The following PTPRT variants were observed in gnomAD, a reference collection of about 807,000 sequenced individuals.
PTPRT encodes the protein receptor-type tyrosine-protein phosphatase T.
Under a neutral mutation model 176.8 loss-of-function variants are expected in PTPRT, and 56 were observed. That is an observed-to-expected ratio of 0.32 (90% CI 0.26 to 0.40). PTPRT has a LOEUF of 0.40. Among genes scored for constraint, PTPRT ranks in the 10% least tolerant of loss-of-function variants. PTPRT has a pLI of 1.00. For synonymous variants in PTPRT, 783 were observed against 739.0 expected (o/e 1.06, Z -0.96); for missense variants, 1,540 against 1,908.2 (o/e 0.81, Z 3.60).
chr20:43,054,239 T>C (rs2146238679), intron 1 of PTPRT, among the ~76,000 whole-genome samples: 1 of 149,632 alleles, frequency 6.7e-6, no homozygotes, highest in Non-Finnish European at 1.5e-5. Context: ...ATTACAAAGG[T>C]TTTAGGACCT....
At chr20:42,851,020 T>G (rs73271763) in intron 2 of PTPRT, among the ~76,000 whole-genome samples, 3,303 of 152,252 alleles carry the variant, frequency 0.022, 128 homozygotes, top group African/African-American at 0.074. Context: ...CAAGGCACAG[T>G]TTTTCTGCCA....
At chr20:43,104,380 G>T (rs1428360689) in intron 1 of PTPRT, among the ~76,000 whole-genome samples, 3 of 151,838 alleles carry the variant, frequency 2.0e-5, no homozygotes, top group Non-Finnish European at 4.4e-5. Flanking sequence ...CAACAATCTT[G>T]GGGTATGTGT....
At chr20:42,056,022 CCT>C in the PTPRT span, among the ~76,000 whole-genome samples, 1 of 152,282 alleles carries the variant, frequency 6.6e-6, no homozygotes, top group East Asian at 1.9e-4. Context: ...TCCGCTGTCC[CCT>C]CTTAGTCCTC....
intron 27 of PTPRT, among the ~76,000 whole-genome samples, chr20:42,092,275 C>T (rs1231830247): frequency 6.6e-6 from 1 of 152,202 alleles, no homozygotes; most frequent in African/African-American, 2.4e-5. Context: ...ATCTCTCCGA[C>T]TAAAGCCTCA....
intron 3 of PTPRT, among the ~76,000 whole-genome samples, chr20:42,790,250 A>T (rs2077353544): frequency 6.6e-6 from 1 of 151,946 alleles, no homozygotes; most frequent in Admixed American, 6.6e-5. Flanking sequence ...AAAACTTTCA[A>T]TGGCCCCAGG....
In PTPRT at chr20:42,248,710, G is replaced by A. The variant is rs373446898; in HGVS notation, c.2289C>T (p.Gly763=). ...ACCTCCTTTTGATGGTGAGCATCAC[G>A]CCCAGGAGAATGATGATGAACATGA... The part of the protein sequence containing the change: ...GLLMFIIILL[G]VMLTIKRRRN... The change falls in exon 14 of 31, where the codon GGC becomes GGT. Residue 763 remains glycine, a synonymous_variant. Transcript: ENST00000373187. 20 of 1,613,820 alleles carry A rather than the reference G, an allele frequency of 1.2e-5. No individual in the cohort carries two copies. The highest frequency in any genetic ancestry group is 5.5e-5 in the South Asian group (5 of 91,064).
At chr20:42,749,017 C>T (rs916070749) in intron 6 of PTPRT, among the ~76,000 whole-genome samples, 3 of 152,166 alleles carry the variant, frequency 2.0e-5, no homozygotes, top group Non-Finnish European at 4.4e-5. Flanking sequence ...GTCTCAACGC[C>T]ATGTGCCTTT....
intron 7 of PTPRT, among the ~76,000 whole-genome samples, chr20:42,539,558 T>C (rs1047035547): frequency 1.3e-5 from 2 of 151,180 alleles, no homozygotes; most frequent in African/African-American, 4.9e-5. Flanking sequence ...CACAGATACC[T>C]GGAGAAAGCA....
chr20:42,949,405 T>C (rs766581238), intron 1 of PTPRT, among the ~76,000 whole-genome samples: 1 of 152,204 alleles, frequency 6.6e-6, no homozygotes, highest in Non-Finnish European at 1.5e-5. Flanking sequence ...GAAAAAGCCA[T>C]GTAGAGACAG....
At chr20:42,421,240 TAACA>T (rs558622256) in intron 9 of PTPRT, among the ~76,000 whole-genome samples, 5 of 149,902 alleles carry the variant, frequency 3.3e-5, no homozygotes, top group Admixed American at 6.7e-5. Flanking sequence ...CCTGACCCCC[TAACA>T]TACACACACA....
chr20:42,809,761 C>G (rs141647275), intron 2 of PTPRT, among the ~76,000 whole-genome samples: 79 of 152,308 alleles, frequency 5.2e-4, no homozygotes, highest in African/African-American at 1.8e-3. Context: ...TTTGCTCTCA[C>G]TTTTGCAGCT....
intron 18 of PTPRT, among the ~76,000 whole-genome samples, chr20:42,139,143 A>G (rs1166379607): frequency 6.6e-6 from 1 of 151,092 alleles, no homozygotes; most frequent in Non-Finnish European, 1.5e-5. Context: ...TTTTTTCTTG[A>G]TTCTCCTTTA....
rs746122039 is a variant in PTPRT at position 42,790,339 on chromosome 20, G to A, written c.486+856C>T. On this transcript the variant is annotated intron_variant, in intron 3 of 30. Transcript: ENST00000373187. ...ATCTGTGCGCTGTGTGCATCAGTTC[G>A]CAAGGAGATAAGGAAGGAAAGAGAG... 7.9e-5 allele frequency among the ~76,000 whole-genome samples: 12 copies of A among 151,970 alleles called. No individual in the cohort carries two copies. The East Asian group carries it at 1.2e-3, about 15-fold the overall frequency.
intron 17 of PTPRT, among the ~76,000 whole-genome samples, chr20:42,150,164 G>C (rs1989060981): frequency 6.6e-6 from 1 of 152,146 alleles, no homozygotes; most frequent in Admixed American, 6.5e-5. Context: ...AAGCCCTTCT[G>C]AGTTATGCCT....
intron 4 of PTPRT, among the ~76,000 whole-genome samples, chr20:42,778,263 T>C (rs1343192957): frequency 6.6e-6 from 1 of 152,202 alleles, no homozygotes; most frequent in Non-Finnish European, 1.5e-5. Context: ...CAGCAAACCA[T>C]GGTCAGTGCT....
At chr20:42,840,719 T>C (rs892723984) in intron 2 of PTPRT, among the ~76,000 whole-genome samples, 2 of 152,150 alleles carry the variant, frequency 1.3e-5, no homozygotes, top group Admixed American at 6.5e-5. Context: ...AGCCATCACA[T>C]CTTTTTTAGA....
At position 42,074,513 on chromosome 20, in the gene PTPRT, C is replaced by A; in HGVS notation, c.*6366G>T. ...GAACATTCCAATTAAGGATCAGAGT[C>A]CACATCTCACCACCCAGAGCAGTTC... On this transcript the variant is annotated 3_prime_UTR_variant, in exon 31 of 31. Coordinates refer to ENST00000373187, the MANE Select transcript of PTPRT (RefSeq NM_007050.6). 2.8e-6 allele frequency: 1 copy of A among 352,266 alleles called. No individual in the cohort carries two copies. 21.8% of individuals were successfully genotyped at this position (352,266 alleles called of 1,614,324 possible).
chr20:42,171,780 A>G (rs1400550957), intron 16 of PTPRT, among the ~76,000 whole-genome samples: 2 of 152,170 alleles, frequency 1.3e-5, no homozygotes, highest in Non-Finnish European at 2.9e-5. Flanking sequence ...AATCAACATT[A>G]AAAAAACTGT....
intron 6 of PTPRT, among the ~76,000 whole-genome samples, chr20:42,685,084 C>CCATTATGATAAAGACAATGGTA (rs1251294583): frequency 4.6e-5 from 7 of 152,102 alleles, no homozygotes. Context: ...GCACTCCTAA[C>CCATTATGATAAAGACAATGGTA]CATTATGATA....
Sources: gnomAD v4.1 joint callset for allele counts (sites outside exome capture counted in the v4.1 genomes callset) on GRCh38, gnomAD v4.1.1 for gene constraint, MANE v1.5 for transcripts, NCBI Gene and HGNC (gene_info 2026-07-23, HGNC 2026-07-21) for gene names.